The following GTF2IRD1 variants were observed in gnomAD, a reference collection of about 807,000 sequenced individuals.
GTF2IRD1 encodes general transcription factor II-I repeat domain-containing protein 1.
GTF2IRD1 carries 26 observed loss-of-function variants against 113.2 expected under a neutral mutation model. That is an observed-to-expected ratio of 0.23 (90% confidence interval 0.17 to 0.32). GTF2IRD1 has a LOEUF of 0.32. Among genes scored for constraint, GTF2IRD1 ranks in the 10% least tolerant of loss-of-function variants. GTF2IRD1 has a pLI of 1.00. For synonymous variants in GTF2IRD1, 484 were observed against 529.1 expected, an observed-to-expected ratio of 0.91 and a Z score of 1.17; for missense variants, 864 against 1,280.8, an observed-to-expected ratio of 0.67 and a Z score of 4.97.
chr7:74,485,546 G>A (rs910680905), intron 1 of GTF2IRD1, among the ~76,000 whole-genome samples: 6 of 151,894 alleles, frequency 4.0e-5, no homozygotes, highest in African/African-American at 1.5e-4. Context: ...GAACCCAGGA[G>A]GCGGAGCTTG....
intron 11 of GTF2IRD1, among the ~76,000 whole-genome samples, 193 bp downstream of exon 11, chr7:74,536,468 C>T (rs1466815666): frequency 6.6e-6 from 1 of 152,176 alleles, no homozygotes; most frequent in South Asian, 2.1e-4. Context: ...AGAACTCTCC[C>T]GCCCCCAACA....
At chr7:74,568,556 G>A (rs1800482501) in intron 22 of GTF2IRD1, among the ~76,000 whole-genome samples, 1 of 152,086 alleles carries the variant, frequency 6.6e-6, no homozygotes, top group Non-Finnish European at 1.5e-5. Flanking sequence ...GCTGAGTCAG[G>A]AGAATGGCGT....
At chr7:74,595,235 G>T (rs1364730243) in intron 25 of GTF2IRD1, among the ~76,000 whole-genome samples, 184 bp downstream of exon 25, 1 of 151,770 alleles carries the variant, frequency 6.6e-6, no homozygotes, top group Non-Finnish European at 1.5e-5. Flanking sequence ...GTGAAACCCC[G>T]TCTCTACTAA....
chr7:74,470,003 G>C (rs1252026961), intron 1 of GTF2IRD1, among the ~76,000 whole-genome samples: 1 of 150,778 alleles, frequency 6.6e-6, no homozygotes, highest in African/African-American at 2.4e-5. Flanking sequence ...TATTTATTTA[G>C]TGTTTTTAGA....
chr7:74,496,400 T>G (rs1429237361), intron 1 of GTF2IRD1, among the ~76,000 whole-genome samples: 5 of 146,904 alleles, frequency 3.4e-5, no homozygotes, highest in South Asian at 4.4e-4. Context: ...TATGTGGGTG[T>G]GTGTGCATGT....
intron 1 of GTF2IRD1, among the ~76,000 whole-genome samples, chr7:74,487,815 A>G (rs965745731): frequency 6.6e-6 from 1 of 152,226 alleles, no homozygotes; most frequent in Admixed American, 6.5e-5. Context: ...TATATTTTAA[A>G]CTAACAAAGA....
At chr7:74,503,151 AGT>A (rs1478943863) in intron 1 of GTF2IRD1, among the ~76,000 whole-genome samples, 1 of 143,978 alleles carries the variant, frequency 6.9e-6, no homozygotes, top group Non-Finnish European at 1.5e-5. Flanking sequence ...TGGGCAATAG[AGT>A]GAGACTCCAT....
chr7:74,573,596 G>A (rs587664549), intron 22 of GTF2IRD1, among the ~76,000 whole-genome samples: 2 of 152,278 alleles, frequency 1.3e-5, no homozygotes, highest in South Asian at 2.1e-4. Flanking sequence ...GATCAGCACC[G>A]AGGGGTCGCC....
intron 1 of GTF2IRD1, among the ~76,000 whole-genome samples, chr7:74,483,168 T>C (rs1237924395): frequency 1.3e-5 from 2 of 152,198 alleles, no homozygotes; most frequent in East Asian, 1.9e-4. Context: ...GGGGCCCATC[T>C]AGCTCAGTGC....
chr7:74,540,024 G>C (rs1157231049), intron 14 of GTF2IRD1, 56 bp downstream of exon 14: 1 of 1,327,336 alleles, frequency 7.5e-7, no homozygotes, highest in Non-Finnish European at 1.1e-6. Context: ...AGGGAGCAAA[G>C]GGAAAGGGGT....
intron 1 of GTF2IRD1, among the ~76,000 whole-genome samples, chr7:74,454,861 G>A (rs1050680029): frequency 2.0e-5 from 3 of 152,172 alleles, no homozygotes; most frequent in Non-Finnish European, 4.4e-5. Flanking sequence ...CCTGCAGATG[G>A]GTGGAGAGGA....
At chr7:74,478,275 G>C (rs782466666) in intron 1 of GTF2IRD1, among the ~76,000 whole-genome samples, 1 of 152,236 alleles carries the variant, frequency 6.6e-6, no homozygotes. Context: ...CTCGGCGGGT[G>C]ATGTCAGCTT....
intron 22 of GTF2IRD1, among the ~76,000 whole-genome samples, chr7:74,570,232 G>A (rs1238169886): frequency 9.2e-5 from 14 of 151,948 alleles, no homozygotes; most frequent in South Asian, 2.1e-4. Flanking sequence ...GCATGGTGGC[G>A]GACGCCTGTA....
intron 21 of GTF2IRD1, among the ~76,000 whole-genome samples, chr7:74,559,313 G>T (rs587761821): frequency 3.3e-5 from 5 of 152,284 alleles, no homozygotes; most frequent in Admixed American, 3.3e-4. Flanking sequence ...CCCGCTCACT[G>T]CACCCCCAGC....
chr7:74,558,780 T>G (rs1276115086), intron 20 of GTF2IRD1, 81 bp from the exon 21 acceptor site: 7 of 1,119,858 alleles, frequency 6.3e-6, no homozygotes, highest in Non-Finnish European at 6.4e-6. Context: ...TGTCTTTCCA[T>G]CACATCCCCG....
intron 1 of GTF2IRD1, among the ~76,000 whole-genome samples, chr7:74,458,027 C>T (rs1320016100): frequency 8.6e-5 from 13 of 151,978 alleles, no homozygotes; most frequent in African/African-American, 2.4e-4. Flanking sequence ...TGCTCTACCA[C>T]GCCCGGCTAA....
chr7:74,466,409 C>A (rs1584456690), intron 1 of GTF2IRD1, among the ~76,000 whole-genome samples: 1 of 152,126 alleles, frequency 6.6e-6, no homozygotes, highest in South Asian at 2.1e-4. Context: ...TGGCCTCACT[C>A]CCAGGCAGCT....
chr7:74,585,112 T>A (rs1315834132), intron 22 of GTF2IRD1, among the ~76,000 whole-genome samples: 3 of 139,376 alleles, frequency 2.2e-5, no homozygotes, highest in Non-Finnish European at 4.7e-5. Flanking sequence ...TGTTTGGTGT[T>A]TTTTTTTTTT....
intron 3 of GTF2IRD1, among the ~76,000 whole-genome samples, chr7:74,515,056 CAAAAAAAAAAA>C (rs782246030): frequency 1.5e-5 from 1 of 66,796 alleles, no homozygotes; most frequent in Admixed American, 1.8e-4. Context: ...GACTCTGTCT[CAAAAAAAAAAA>C]AAAAAAAAAA....
Sources: allele counts gnomAD v4.1 joint callset (sites outside exome capture counted in the v4.1 genomes callset), GRCh38; gene constraint gnomAD v4.1.1; transcripts MANE v1.5; gene names NCBI Gene and HGNC (gene_info 2026-07-23, HGNC 2026-07-21).